CCBE1: variants seen among roughly 807,000 people sequenced by gnomAD.
The protein encoded by CCBE1 is collagen and calcium binding EGF domains 1, also known as collagen and calcium-binding EGF domain-containing protein 1.
CCBE1 carries 37 observed loss-of-function variants against 50.0 expected under a neutral mutation model. That is an observed-to-expected ratio of 0.74 (90% CI 0.57 to 0.97). The LOEUF is 0.97. Among genes scored for constraint, CCBE1 ranks in the 50% least tolerant of loss-of-function variants. The pLI is 0.00. For synonymous variants in CCBE1, 234 were observed against 203.7 expected (o/e 1.15, Z -1.27); for missense variants, 538 against 523.8 (o/e 1.03, Z -0.26).
At chr18:59,602,617 T>G (rs1295312256) in intron 2 of CCBE1, among the ~76,000 whole-genome samples, 2 of 152,056 alleles carry the variant, frequency 1.3e-5, no homozygotes, top group Non-Finnish European at 2.9e-5. Flanking sequence ...AAGAGAAAAG[T>G]CCTCTGAGTC....
At chr18:59,613,467 C>G (rs2053597903) in intron 2 of CCBE1, among the ~76,000 whole-genome samples, 1 of 152,154 alleles carries the variant, frequency 6.6e-6, no homozygotes, top group South Asian at 2.1e-4. Flanking sequence ...AAATCTGATT[C>G]TATGTAAGCA....
intron 2 of CCBE1, among the ~76,000 whole-genome samples, chr18:59,685,579 G>A (rs1199366210): frequency 6.6e-6 from 1 of 152,214 alleles, no homozygotes; most frequent in Non-Finnish European, 1.5e-5. Context: ...CAGCATACTG[G>A]AATCACATGA....
chr18:59,673,906 T>G lies in CCBE1; in HGVS notation c.212+22723A>C, dbSNP rs2054466062. ...AGGGATACTGGCCTTAAATTTTCTT[T>G]TTTTGTTGTGTCTCTGCCAGGTTTT... is the stretch of plus-strand genomic sequence containing the variant. On this transcript the variant is annotated intron_variant, in intron 2 of 10. Transcript: ENST00000439986. 3.9e-5 allele frequency among the ~76,000 whole-genome samples: 6 copies of G among 152,330 alleles called. No homozygotes were observed. In the South Asian group the frequency reaches 1.2e-3, roughly 32 times the overall value.
At chr18:59,581,373 G>A (rs1423701424) in intron 2 of CCBE1, among the ~76,000 whole-genome samples, 1 of 151,022 alleles carries the variant, frequency 6.6e-6, no homozygotes, top group Non-Finnish European at 1.5e-5. Flanking sequence ...CCTGGGAGGT[G>A]GAAATCTCAG....
intron 2 of CCBE1, among the ~76,000 whole-genome samples, chr18:59,555,573 A>C (rs1439260024): frequency 1.3e-5 from 2 of 152,230 alleles, no homozygotes; most frequent in African/African-American, 4.8e-5. Flanking sequence ...GATATTATAC[A>C]GTGGAAGTCT....
At chr18:59,657,398 C>A (rs1350579900) in intron 2 of CCBE1, among the ~76,000 whole-genome samples, 1 of 152,202 alleles carries the variant, frequency 6.6e-6, no homozygotes, top group Non-Finnish European at 1.5e-5. Flanking sequence ...TCCCGAAGAC[C>A]AACGTCCCTG....
chr18:59,614,996 T>TC (rs1157183331), intron 2 of CCBE1, among the ~76,000 whole-genome samples: 2 of 152,206 alleles, frequency 1.3e-5, no homozygotes, highest in Admixed American at 1.3e-4. Flanking sequence ...CTTCTATGGC[T>TC]CCATTCTTTC....
At chr18:59,537,949 G>A (rs1436876683) in intron 2 of CCBE1, among the ~76,000 whole-genome samples, 1 of 152,160 alleles carries the variant, frequency 6.6e-6, no homozygotes, top group Non-Finnish European at 1.5e-5. Flanking sequence ...GGGACTAAAC[G>A]AGTTACTTTA....
intron 10 of CCBE1, among the ~76,000 whole-genome samples, chr18:59,436,876 G>A (rs549725289): frequency 6.6e-6 from 1 of 152,298 alleles, no homozygotes; most frequent in South Asian, 2.1e-4. Flanking sequence ...GGAGGCTAAG[G>A]TGGGAGGATC....
At chr18:59,519,250 C>T (rs1239936750) in intron 2 of CCBE1, among the ~76,000 whole-genome samples, 2 of 152,120 alleles carry the variant, frequency 1.3e-5, no homozygotes, top group East Asian at 3.8e-4. Flanking sequence ...CCTTTTTAGC[C>T]CACTCCTGGA....
intron 2 of CCBE1, among the ~76,000 whole-genome samples, chr18:59,653,095 C>A (rs1419569104): frequency 6.6e-6 from 1 of 152,230 alleles, no homozygotes; most frequent in African/African-American, 2.4e-5. Context: ...TCAGTCCTCA[C>A]TTACCATGTT....
At chr18:59,491,285 G>C (rs1395375531) in intron 2 of CCBE1, among the ~76,000 whole-genome samples, 3 of 152,088 alleles carry the variant, frequency 2.0e-5, no homozygotes, top group Non-Finnish European at 4.4e-5. Flanking sequence ...CTCTCACCCT[G>C]TAAATTTTCT....
At chr18:59,612,528 T>C (rs570294678) in intron 2 of CCBE1, among the ~76,000 whole-genome samples, 28 of 152,266 alleles carry the variant, frequency 1.8e-4, no homozygotes, top group Admixed American at 5.2e-4. Context: ...GTAGAGGTTT[T>C]CTGGGCAGCT....
At chr18:59,490,079 C>T (rs1235824575) in intron 2 of CCBE1, among the ~76,000 whole-genome samples, 1 of 149,226 alleles carries the variant, frequency 6.7e-6, no homozygotes, top group Non-Finnish European at 1.5e-5. Context: ...CTCCACCTCC[C>T]AGGTTCAAGT....
chr18:59,678,168 G>A (rs1241287515), intron 2 of CCBE1, among the ~76,000 whole-genome samples: 2 of 152,142 alleles, frequency 1.3e-5, no homozygotes, highest in African/African-American at 2.4e-5. Flanking sequence ...CATAGAAGGA[G>A]GGGGGAGGAC....
chr18:59,596,000 T>C (rs1170892952), intron 2 of CCBE1, among the ~76,000 whole-genome samples: 1 of 152,250 alleles, frequency 6.6e-6, no homozygotes, highest in East Asian at 1.9e-4. Flanking sequence ...AAAACATATC[T>C]ACAAGGTGCT....
intron 2 of CCBE1, among the ~76,000 whole-genome samples, chr18:59,599,901 T>C (rs534826656): frequency 6.6e-6 from 1 of 152,110 alleles, no homozygotes; most frequent in Non-Finnish European, 1.5e-5. Flanking sequence ...TTTGGACTAA[T>C]GGTTTAAAAA....
At chr18:59,570,168 C>G (rs777408047) in intron 2 of CCBE1, among the ~76,000 whole-genome samples, 2 of 152,088 alleles carry the variant, frequency 1.3e-5, no homozygotes, top group Non-Finnish European at 2.9e-5. Context: ...TAGGATCTAG[C>G]CTGGGAGAGG....
intron 2 of CCBE1, among the ~76,000 whole-genome samples, chr18:59,664,985 T>C (rs2054333922): frequency 6.6e-6 from 1 of 151,454 alleles, no homozygotes; most frequent in Non-Finnish European, 1.5e-5. Context: ...CTCTTAGGAG[T>C]TGCATTTTCT....
Sources: allele counts gnomAD v4.1 joint callset (sites outside exome capture counted in the v4.1 genomes callset), GRCh38; gene constraint gnomAD v4.1.1; transcripts MANE v1.5; gene names NCBI Gene and HGNC (gene_info 2026-07-23, HGNC 2026-07-21).